SSBP2: variants seen among roughly 807,000 people sequenced by gnomAD.
SSBP2 encodes single stranded DNA binding protein 2.
In SSBP2, 17 loss-of-function variants were observed where a neutral mutation model predicts 61.8. The observed-to-expected ratio is 0.28, with a 90% confidence interval of 0.19 to 0.41. The LOEUF is 0.41. Ranked by LOEUF, SSBP2 falls within the 10% of genes least tolerant of loss-of-function variation. The pLI is 1.00. For synonymous variants in SSBP2, 139 were observed against 141.3 expected (o/e 0.98, Z 0.12); for missense variants, 310 against 458.7 (o/e 0.68, Z 2.96).
intron 4 of SSBP2, among the ~76,000 whole-genome samples, chr5:81,526,354 A>G (rs910080843): frequency 6.6e-6 from 1 of 151,994 alleles, no homozygotes; most frequent in Non-Finnish European, 1.5e-5. Context: ...AAATTATTTC[A>G]CTATCTCATA....
chr5:81,724,416 G>A (rs960854094), intron 1 of SSBP2, among the ~76,000 whole-genome samples: 4 of 151,916 alleles, frequency 2.6e-5, no homozygotes, highest in African/African-American at 9.7e-5. Context: ...TTTTTTAAAA[G>A]GGGGAGGACT....
intron 5 of SSBP2, among the ~76,000 whole-genome samples, chr5:81,499,806 C>T (rs900553430): frequency 2.0e-5 from 3 of 152,208 alleles, no homozygotes; most frequent in Non-Finnish European, 4.4e-5. Context: ...AAATATTCCT[C>T]TTGTCTCCCT....
chr5:81,581,141 C>G (rs1774611088), intron 4 of SSBP2, among the ~76,000 whole-genome samples: 1 of 152,164 alleles, frequency 6.6e-6, no homozygotes, highest in African/African-American at 2.4e-5. Context: ...AATTACAATT[C>G]AAGCTTTTAT....
At chr5:81,711,888 G>A (rs115058225) in intron 1 of SSBP2, among the ~76,000 whole-genome samples, 2,471 of 151,938 alleles carry the variant, frequency 0.016, 73 homozygotes, top group African/African-American at 0.056. Context: ...TTCCTCACCT[G>A]TAAAGGGAGG....
At chr5:81,442,286 C>T (rs1378652797) in intron 13 of SSBP2, among the ~76,000 whole-genome samples, 1 of 151,708 alleles carries the variant, frequency 6.6e-6, no homozygotes, top group South Asian at 2.1e-4. Context: ...TCAAGTTTAT[C>T]AGGACAAAAA....
At chr5:81,750,431 G>A (rs1388568439) in intron 1 of SSBP2, among the ~76,000 whole-genome samples, 1 of 142,768 alleles carries the variant, frequency 7.0e-6, no homozygotes, top group African/African-American at 2.5e-5. Context: ...CGCGCGCCCG[G>A]CACCGCCGCC....
intron 4 of SSBP2, among the ~76,000 whole-genome samples, chr5:81,591,705 G>A (rs559631957): frequency 1.3e-5 from 2 of 152,156 alleles, no homozygotes; most frequent in South Asian, 4.2e-4. Context: ...AGTGACCCTG[G>A]AAATAGATTG....
At chr5:81,680,931 C>A (rs1752337805) in intron 1 of SSBP2, among the ~76,000 whole-genome samples, 1 of 152,136 alleles carries the variant, frequency 6.6e-6, no homozygotes, top group Non-Finnish European at 1.5e-5. Flanking sequence ...ATATAATTGA[C>A]ATCTATAGGC....
chr5:81,669,753 G>A (rs926342990), intron 1 of SSBP2, among the ~76,000 whole-genome samples: 3 of 151,558 alleles, frequency 2.0e-5, no homozygotes, highest in East Asian at 1.9e-4. Flanking sequence ...AAACCTGCAC[G>A]TTCTGCACAT....
At chr5:81,443,552 T>A (rs1052427054) in intron 12 of SSBP2, among the ~76,000 whole-genome samples, 1 of 152,164 alleles carries the variant, frequency 6.6e-6, no homozygotes, top group African/African-American at 2.4e-5. Flanking sequence ...TATAATGTAG[T>A]AGGCCTCTTT....
intron 4 of SSBP2, among the ~76,000 whole-genome samples, chr5:81,614,138 A>T (rs766306767): frequency 1.2e-4 from 19 of 152,138 alleles, no homozygotes; most frequent in South Asian, 2.1e-4. Flanking sequence ...AGGCGGGCGG[A>T]TCACGAGGTC....
At position 81,610,134 on chromosome 5, in the gene SSBP2, G is replaced by A. The variant is rs77324531; in HGVS notation, c.282+5339C>T. Among the ~76,000 whole-genome samples, 1,475 of 152,296 alleles carry A rather than the reference G, an allele frequency of 9.7e-3. 22 individuals carry two copies. The highest frequency in any genetic ancestry group is 0.034 in the African/African-American group (1,408 of 41,542). On this transcript the variant is annotated intron_variant, in intron 4 of 16. Coordinates refer to ENST00000320672, the MANE Select transcript of SSBP2 (RefSeq NM_012446.5). ...CATGCCCAGCCCAGCCACAGACTGA[G>A]CTGGTGTGTAGGTGGGCCGAGTGGG...
intron 4 of SSBP2, among the ~76,000 whole-genome samples, chr5:81,520,983 TTTCC>T (rs1370670480): frequency 1.3e-5 from 2 of 152,250 alleles, no homozygotes; most frequent in South Asian, 4.1e-4. Flanking sequence ...CAAGCTCAGC[TTTCC>T]TTTTGTGTTT....
chr5:81,568,860 T>C (rs887597654), intron 4 of SSBP2, among the ~76,000 whole-genome samples: 4 of 152,186 alleles, frequency 2.6e-5, no homozygotes, highest in African/African-American at 4.8e-5. Context: ...GTTAGAAATA[T>C]AACATATGTG....
chr5:81,431,589 TTC>T (rs1270924678), intron 15 of SSBP2, among the ~76,000 whole-genome samples: 5 of 152,014 alleles, frequency 3.3e-5, no homozygotes, highest in Admixed American at 1.3e-4. Context: ...ACATATCTTC[TTC>T]TCTCTTTTTT....
At chr5:81,723,627 T>TA (rs1354860140) in intron 1 of SSBP2, among the ~76,000 whole-genome samples, 2 of 152,124 alleles carry the variant, frequency 1.3e-5, no homozygotes, top group Middle Eastern at 3.4e-3. Context: ...TCTGCCTCTT[T>TA]AAACAAAACA....
intron 4 of SSBP2, 151 bp from the exon 5 acceptor site, chr5:81,513,868 C>A (rs186604507): frequency 5.1e-5 from 28 of 547,602 alleles, no homozygotes; most frequent in Non-Finnish European, 6.5e-6. Context: ...AACTGAGATA[C>A]AACAGTTTAG....
chr5:81,427,250 C>T (rs2153902500), intron 16 of SSBP2, among the ~76,000 whole-genome samples: 1 of 152,278 alleles, frequency 6.6e-6, no homozygotes, highest in Middle Eastern at 3.4e-3. Context: ...AAAAATAATT[C>T]CCATAATCTT....
At chr5:81,590,118 G>A (rs903614991) in intron 4 of SSBP2, among the ~76,000 whole-genome samples, 8 of 151,938 alleles carry the variant, frequency 5.3e-5, no homozygotes, top group South Asian at 4.2e-4. Flanking sequence ...AAACTGTCTC[G>A]CTCATAAGTT....
Sources: gnomAD v4.1 joint callset for allele counts (sites outside exome capture counted in the v4.1 genomes callset) on GRCh38, gnomAD v4.1.1 for gene constraint, MANE v1.5 for transcripts, NCBI Gene and HGNC (gene_info 2026-07-23, HGNC 2026-07-21) for gene names.